The following GRM7 variants were observed in gnomAD, a reference collection of about 807,000 sequenced individuals.
GRM7 encodes metabotropic glutamate receptor 7.
A neutral mutation model predicts 84.5 loss-of-function variants in GRM7; 35 were observed. That is an observed-to-expected ratio of 0.41 (90% CI 0.32 to 0.55). The LOEUF is 0.55. Among genes scored for constraint, GRM7 ranks in the 20% least tolerant of loss-of-function variants. GRM7 has a pLI of 0.19. For missense variants in GRM7, 1,003 were observed against 1,194.6 expected (o/e 0.84, Z 2.36); for synonymous variants, 487 against 455.1 (o/e 1.07, Z -0.89).
At chr3:7,141,868 C>T (rs1452862919) in intron 1 of GRM7, among the ~76,000 whole-genome samples, 5 of 151,914 alleles carry the variant, frequency 3.3e-5, no homozygotes, top group African/African-American at 1.2e-4. Context: ...AAGTAGTTAA[C>T]CATTTGGAAG....
intron 4 of GRM7, among the ~76,000 whole-genome samples, chr3:7,381,934 T>C (rs1272575396): frequency 6.6e-6 from 1 of 152,296 alleles, no homozygotes; most frequent in East Asian, 1.9e-4. Flanking sequence ...CAGTGTTTTA[T>C]GTGTGTGCAT....
chr3:6,893,551 G>A (rs1302288385), intron 1 of GRM7, among the ~76,000 whole-genome samples: 1 of 152,056 alleles, frequency 6.6e-6, no homozygotes, highest in African/African-American at 2.4e-5. Context: ...CCACCATCTT[G>A]TAAGTATATG....
In GRM7 at chr3:7,461,893, A is replaced by G. The variant is rs149806995; in HGVS notation, c.1515+171A>G. Among the ~76,000 whole-genome samples, 56 of 152,288 alleles carry G rather than the reference A, an allele frequency of 3.7e-4. No individual in the cohort carries two copies. The East Asian group carries it at 8.5e-3, about 23-fold the overall frequency. The stretch of plus-strand genomic sequence containing the variant: ...ATATCCAATAATAATGATGGTGATG[A>G]CGATGATGGGAAATGTGCATTGAGT... On this transcript the variant is annotated intron_variant, in intron 7 of 9. Coordinates refer to ENST00000357716, the MANE Select transcript of GRM7 (RefSeq NM_000844.4).
Position 7,572,639 on chromosome 3 carries a change from G to A in GRM7, c.1516-5783G>A, listed in dbSNP as rs1575509018. The stretch of plus-strand genomic sequence containing the variant: ...TCGAGATTATCCTGGCTAACACCGT[G>A]AAACCCCATCTCTACAAAAAAAATA... On this transcript the variant is annotated intron_variant, in intron 7 of 9. Transcript: ENST00000357716. 3.3e-5 allele frequency among the ~76,000 whole-genome samples: 5 copies of A among 150,908 alleles called. 1 individual carries two copies. Among genetic ancestry groups the A allele is most frequent in the Middle Eastern group, 3.4e-3 (1 of 290 alleles).
intron 1 of GRM7, among the ~76,000 whole-genome samples, chr3:6,884,538 T>G (rs180936466): frequency 6.6e-6 from 1 of 152,282 alleles, no homozygotes; most frequent in East Asian, 1.9e-4. Flanking sequence ...TATTTTCTCT[T>G]GTAACCTAGC....
intron 1 of GRM7, among the ~76,000 whole-genome samples, chr3:7,098,416 A>C (rs1698930993): frequency 6.6e-6 from 1 of 152,022 alleles, no homozygotes; most frequent in Non-Finnish European, 1.5e-5. Context: ...AGTGACTCAT[A>C]GGGTCACTTT....
intron 7 of GRM7, among the ~76,000 whole-genome samples, chr3:7,465,556 C>A (rs117000148): frequency 6.6e-6 from 1 of 152,102 alleles, no homozygotes; most frequent in African/African-American, 2.4e-5. Flanking sequence ...CCTTGAAGTT[C>A]CTTTTGCTGT....
chr3:7,391,640 A>G (rs1295735151), intron 4 of GRM7, among the ~76,000 whole-genome samples: 1 of 152,130 alleles, frequency 6.6e-6, no homozygotes, highest in Non-Finnish European at 1.5e-5. Context: ...GCACACCAAC[A>G]TGGCAAATGT....
intron 9 of GRM7, among the ~76,000 whole-genome samples, chr3:7,718,181 C>G (rs1394954742): frequency 6.6e-6 from 1 of 152,216 alleles, no homozygotes; most frequent in African/African-American, 2.4e-5. Context: ...ATGAGGCAGT[C>G]TGTGCATAGC....
intron 1 of GRM7, among the ~76,000 whole-genome samples, chr3:7,070,710 C>T (rs1208135859): frequency 6.6e-6 from 1 of 151,406 alleles, no homozygotes; most frequent in African/African-American, 2.4e-5. Context: ...TGTCTTAGTA[C>T]AGTCGGTTGC....
At chr3:7,581,488 T>C (rs577034572) in intron 8 of GRM7, among the ~76,000 whole-genome samples, 7 of 152,288 alleles carry the variant, frequency 4.6e-5, no homozygotes, top group East Asian at 1.9e-4. Flanking sequence ...CTTATAGGCA[T>C]ATGGCTAGAG....
intron 2 of GRM7, among the ~76,000 whole-genome samples, chr3:7,269,730 G>A (rs1698784105): frequency 6.6e-6 from 1 of 152,168 alleles, no homozygotes; most frequent in African/African-American, 2.4e-5. Flanking sequence ...ACAGGACTAT[G>A]AGCAAATCCA....
intron 9 of GRM7, chr3:7,682,342 AAAAAAAAAAAAAAAG>A (rs201270768): frequency 1.7e-4 from 25 of 147,214 alleles, no homozygotes; most frequent in African/African-American, 5.7e-4. Context: ...ATCTCAAAAA[AAAAAAAAAAAAAAAG>A]AAAAAGAAAA....
At chr3:7,604,921 T>C (rs1235358397) in intron 8 of GRM7, among the ~76,000 whole-genome samples, 1 of 152,072 alleles carries the variant, frequency 6.6e-6, no homozygotes. Context: ...CTTAAGAAAA[T>C]AGAAAAGTGC....
intron 7 of GRM7, among the ~76,000 whole-genome samples, chr3:7,516,495 A>G (rs1342636824): frequency 1.3e-5 from 2 of 149,440 alleles, no homozygotes; most frequent in Admixed American, 6.7e-5. Context: ...AAAAAAAAAA[A>G]AAAAAAAAAA....
intron 7 of GRM7, 81 bp downstream of exon 7, chr3:7,461,803 T>G (rs1461608264): frequency 2.9e-6 from 4 of 1,358,224 alleles, no homozygotes; most frequent in Non-Finnish European, 4.2e-6. Context: ...CAAATGTTTC[T>G]TGTTTAATGT....
At chr3:7,002,389 C>T (rs1499163) in intron 1 of GRM7, among the ~76,000 whole-genome samples, 149,663 of 152,350 alleles carry the variant, frequency 0.98, 73,523 homozygotes, top group Middle Eastern at 1. Flanking sequence ...AGAATAGCTC[C>T]TATGTACCAT....
chr3:7,319,925 C>T (rs1700714046), intron 4 of GRM7, among the ~76,000 whole-genome samples: 1 of 151,896 alleles, frequency 6.6e-6, no homozygotes, highest in African/African-American at 2.4e-5. Context: ...TATGTATTCA[C>T]CAAGGTAACC....
chr3:7,415,025 T>G lies in GRM7; in HGVS notation c.1036T>G (p.Phe346Val). The G allele has an allele frequency of 6.2e-7, 1 of 1,611,698 alleles. No individual in the cohort carries two copies. The highest frequency in any genetic ancestry group is 8.5e-7 in the Non-Finnish European group (1 of 1,178,328). Residue 346 changes from phenylalanine to valine, a missense_variant and splice_region_variant, in exon 5 of 10, where the codon TTT becomes GTT. Around this residue, in one of 2 missense-constraint regions of GRM7, gnomAD observed 910 missense variants for 1,126.0 expected, o/e 0.81. Transcript: ENST00000357716. ...IQPKRATVEG[F>V]DAYFTSRTLE... is the part of the protein sequence containing the mutation. ...CCTTTTCATTTAACTCTGTTTAGGG[T>G]TTGATGCCTACTTTACGTCCCGTAC... is the stretch of plus-strand genomic sequence containing the variant.
Sources: gnomAD v4.1 joint callset for allele counts (sites outside exome capture counted in the v4.1 genomes callset) on GRCh38, gnomAD v4.1.1 for gene constraint, gnomAD v4.1.1 regional missense constraint, MANE v1.5 for transcripts, NCBI Gene and HGNC (gene_info 2026-07-23, HGNC 2026-07-21) for gene names.